Variants in APBA1 observed in about 807,000 individuals in gnomAD.
APBA1 encodes amyloid beta precursor protein binding family A member 1.
APBA1 carries 55 observed loss-of-function variants against 86.6 expected under a neutral mutation model. The observed-to-expected ratio is 0.64, with a 90% CI of 0.51 to 0.80. APBA1 has a LOEUF of 0.80. Among genes scored for constraint, APBA1 ranks in the 30% least tolerant of loss-of-function variants. APBA1 has a pLI of 0.00. For missense variants in APBA1, 1,090 were observed against 1,183.0 expected (o/e 0.92, Z 1.15); for synonymous variants, 511 against 493.9 (o/e 1.03, Z -0.46).
chr9:69,638,233 T>A (rs1389851917), intron 1 of APBA1, among the ~76,000 whole-genome samples: 1 of 151,912 alleles, frequency 6.6e-6, no homozygotes, highest in Non-Finnish European at 1.5e-5. Flanking sequence ...ATATTTTGTT[T>A]TTGTTTTTGT....
intron 1 of APBA1, among the ~76,000 whole-genome samples, chr9:69,664,691 GAATATGCAT>G (rs1305110143): frequency 6.6e-6 from 1 of 152,126 alleles, no homozygotes. Context: ...TATATTCCTA[GAATATGCAT>G]ATTCAAGTTG....
intron 1 of APBA1, among the ~76,000 whole-genome samples, chr9:69,523,530 T>C (rs1173998584): frequency 2.3e-4 from 13 of 56,866 alleles, no homozygotes; most frequent in East Asian, 6.9e-4. Flanking sequence ...TATATATATA[T>C]ATAGACACAC....
intron 1 of APBA1, among the ~76,000 whole-genome samples, chr9:69,537,332 G>A (rs1446988007): frequency 6.6e-6 from 1 of 151,964 alleles, no homozygotes; most frequent in Non-Finnish European, 1.5e-5. Context: ...ACTGTCTTAC[G>A]AATACTTCAC....
At chr9:69,486,711 G>A (rs541701709) in intron 2 of APBA1, among the ~76,000 whole-genome samples, 1 of 152,164 alleles carries the variant, frequency 6.6e-6, no homozygotes, top group Non-Finnish European at 1.5e-5. Context: ...AGGCAGGGAG[G>A]AGGAACAGCA....
rs767922446 is a variant in APBA1 at position 69,452,277 on chromosome 9, C to T, written c.1813G>A (p.Gly605Arg). The T allele has an allele frequency of 5.0e-6, 8 of 1,614,062 alleles. No individual in the cohort carries two copies. Among genetic ancestry groups the T allele is most frequent in the East Asian group, 2.2e-5 (1 of 44,894 alleles). Residue 605 changes from glycine (G) to arginine (R), a missense_variant, in exon 9 of 13, where the codon GGA becomes AGA. Gly to Arg is a moderately radical substitution (Grantham distance 125). Around this residue, in one of 6 missense-constraint regions of APBA1, gnomAD observed 97 missense variants for 166.8 expected, o/e 0.58. Transcript: ENST00000265381. Reference protein sequence around the residue: ...EDAQLIAQSIGQAFSVAYQEF... With the variant: ...EDAQLIAQSIRQAFSVAYQEF... ...TGGTATGCCACGCTAAATGCCTGTC[C>T]GATGGACTGTGCAATCAGCTGAGCC...
intron 1 of APBA1, among the ~76,000 whole-genome samples, chr9:69,606,433 G>T (rs961968505): frequency 7.0e-6 from 1 of 142,448 alleles, no homozygotes; most frequent in Non-Finnish European, 1.5e-5. Context: ...AGAAACTGAT[G>T]CTCAGAGAAG....
chr9:69,657,715 A>G (rs1823639482), intron 1 of APBA1, among the ~76,000 whole-genome samples: 1 of 152,226 alleles, frequency 6.6e-6, no homozygotes, highest in Admixed American at 6.5e-5. Flanking sequence ...GTGTATACAT[A>G]TATATTTAAA....
chr9:69,645,599 G>A (rs1340706168), intron 1 of APBA1, among the ~76,000 whole-genome samples: 1 of 152,188 alleles, frequency 6.6e-6, no homozygotes, highest in African/African-American at 2.4e-5. Flanking sequence ...TGCCAACCAG[G>A]CAGCCTGCAC....
At chr9:69,547,540 C>T (rs1349234098) in intron 1 of APBA1, among the ~76,000 whole-genome samples, 1 of 152,158 alleles carries the variant, frequency 6.6e-6, no homozygotes, top group Non-Finnish European at 1.5e-5. Flanking sequence ...GGACACCTTG[C>T]TACCCCAAAT....
At chr9:69,510,607 T>A (rs1468241583) in intron 2 of APBA1, among the ~76,000 whole-genome samples, 3 of 140,594 alleles carry the variant, frequency 2.1e-5, no homozygotes, top group African/African-American at 8.6e-5. Flanking sequence ...AGAGCCCGCA[T>A]CGCCAAGGCA....
At chr9:69,636,125 G>A (rs534733815) in intron 1 of APBA1, among the ~76,000 whole-genome samples, 1 of 152,274 alleles carries the variant, frequency 6.6e-6, no homozygotes, top group East Asian at 1.9e-4. Flanking sequence ...CATACAAATG[G>A]CAAACAGGTT....
chr9:69,620,493 C>CA (rs1320902740), intron 1 of APBA1, among the ~76,000 whole-genome samples: 3 of 152,160 alleles, frequency 2.0e-5, no homozygotes, highest in African/African-American at 7.2e-5. Flanking sequence ...GCCTAGCCAG[C>CA]ATGGTGAAAC....
intron 2 of APBA1, among the ~76,000 whole-genome samples, chr9:69,485,956 CT>C (rs879632826): frequency 1.6e-3 from 232 of 145,382 alleles, no homozygotes; most frequent in Admixed American, 2.5e-3. Flanking sequence ...CATTTTAATT[CT>C]TTTTTTTTTT....
chr9:69,530,325 TATATACACACAC>T (rs1207468801), intron 1 of APBA1, among the ~76,000 whole-genome samples: 9 of 93,858 alleles, frequency 9.6e-5, no homozygotes, highest in African/African-American at 3.2e-4. Context: ...TATATATATA[TATATACACACAC>T]ACACACACAC....
intron 2 of APBA1, among the ~76,000 whole-genome samples, chr9:69,502,926 CT>C (rs1396712606): frequency 6.6e-6 from 1 of 152,086 alleles, no homozygotes; most frequent in Non-Finnish European, 1.5e-5. Context: ...TGTAAATTCA[CT>C]TACCAATTAG....
chr9:69,517,514 A>G (rs910758360), intron 1 of APBA1, among the ~76,000 whole-genome samples: 2 of 150,242 alleles, frequency 1.3e-5, no homozygotes, highest in African/African-American at 2.5e-5. Context: ...CACCCCTCAC[A>G]CTGAGCGCCT....
chr9:69,532,301 T>C (rs2133908069), intron 1 of APBA1, among the ~76,000 whole-genome samples: 1 of 152,190 alleles, frequency 6.6e-6, no homozygotes, highest in Non-Finnish European at 1.5e-5. Flanking sequence ...GTGAGACTGC[T>C]TCACTTTAAC....
intron 1 of APBA1, among the ~76,000 whole-genome samples, chr9:69,599,875 A>T (rs1193323019): frequency 6.6e-6 from 1 of 152,230 alleles, no homozygotes; most frequent in Non-Finnish European, 1.5e-5. Flanking sequence ...GACGATCAGG[A>T]GGCCAAAGTA....
At chr9:69,504,267 C>T (rs1413739574) in intron 2 of APBA1, among the ~76,000 whole-genome samples, 1 of 152,016 alleles carries the variant, frequency 6.6e-6, no homozygotes, top group Non-Finnish European at 1.5e-5. Flanking sequence ...TGTTCTTTGG[C>T]TCCAGGACAT....
Sources: allele counts gnomAD v4.1 joint callset (sites outside exome capture counted in the v4.1 genomes callset), GRCh38; gene constraint gnomAD v4.1.1; regional missense constraint gnomAD v4.1.1; transcripts MANE v1.5; gene names NCBI Gene and HGNC (gene_info 2026-07-23, HGNC 2026-07-21).